The following AHCTF1 variants were observed in gnomAD, a reference collection of about 807,000 sequenced individuals.
The protein encoded by AHCTF1 is protein ELYS.
In AHCTF1, 24 loss-of-function variants were observed where a neutral mutation model predicts 248.4. The observed-to-expected ratio is 0.10, with a 90% CI of 0.07 to 0.14. The LOEUF (loss-of-function observed/expected upper bound fraction) is 0.14, where lower values mean the gene tolerates loss of function less well. Among genes scored for constraint, AHCTF1 ranks in the 10% least tolerant of loss-of-function variants. The probability of loss-of-function intolerance (pLI) is 1.00; values close to 1 mark genes in which losing one functional copy is unlikely to be tolerated. For missense variants in AHCTF1, 2,206 were observed against 2,636.2 expected (o/e 0.84, Z 3.57); for synonymous variants, 786 against 929.8 (o/e 0.85, Z 2.81).
chr1:246,881,697 G>C (rs1002485091), intron 21 of AHCTF1, among the ~76,000 whole-genome samples: 2 of 151,794 alleles, frequency 1.3e-5, no homozygotes, highest in African/African-American at 4.8e-5. Flanking sequence ...AATTAGGTGG[G>C]CATGATGGCG....
At chr1:246,861,354 C>G (rs534952095) in intron 28 of AHCTF1, 59 bp from the exon 29 acceptor site, 28 of 1,406,576 alleles carry the variant, frequency 2.0e-5, no homozygotes, top group Admixed American at 1.9e-4. Context: ...AAGTCTAGTC[C>G]TAAGCTACCC....
intron 35 of AHCTF1, among the ~76,000 whole-genome samples, chr1:246,842,470 T>G (rs1659943900): frequency 6.6e-6 from 1 of 151,882 alleles, no homozygotes; most frequent in Non-Finnish European, 1.5e-5. Flanking sequence ...TAGTCCCAGC[T>G]ACTTGGGAGG....
rs776939278 is a variant in AHCTF1, at chr1:246,900,130, T to C, written c.1367A>G (p.Asn456Ser). The change falls in exon 10 of 36, where the codon AAT becomes AGT. Residue 456 changes from asparagine to serine, a missense_variant. Physicochemically the swap from Asn to Ser is conservative, Grantham distance 46. Transcript: ENST00000648844. ...LDILVHERSL[N>S]RGVPPSYPPP... ...TGGATATGAAGGAGGGACTCCTCTA[T>C]TTAAACTTCTCTCATGTACTAATAT... 18 of 1,609,510 alleles carry C rather than the reference T, an allele frequency of 1.1e-5. No homozygotes were observed. The highest frequency in any genetic ancestry group is 1.5e-5 in the Non-Finnish European group (18 of 1,179,240).
rs1363449913 is a variant in AHCTF1 at position 246,840,074 on chromosome 1, T to C, written c.*732A>G. ...CACTCAATATCCATAAACAGATTTA[T>C]TTTACATTTCCCTTTGTCAAACCCT... On this transcript the variant is annotated 3_prime_UTR_variant, in exon 36 of 36. Coordinates refer to ENST00000648844, the MANE Select transcript of AHCTF1 (RefSeq NM_001323342.2). The C allele has an allele frequency of 6.6e-6, 1 of 152,642 alleles. No individual in the cohort carries two copies. Among genetic ancestry groups the C allele is most frequent in the Non-Finnish European group, 1.5e-5 (1 of 68,046 alleles). The allele number at this position is 152,642 out of a possible 1,614,324, so 9.5% of individuals were successfully genotyped here. A position where few individuals can be genotyped will look rare whatever the true frequency, so the allele number is the denominator to read the frequency against.
Position 246,867,499 on chromosome 1 carries a change from G to A in AHCTF1, c.3240-148C>T, listed in dbSNP as rs146496899. On this transcript the variant is annotated intron_variant, in intron 25 of 35. Coordinates refer to ENST00000648844, the MANE Select transcript of AHCTF1 (RefSeq NM_001323342.2). Reference sequence around the variant, plus strand: ...AATAATGAACATTTCACTTTTAAAGGTTTTTAAAAATTCTTCTCAGAAACA... The same window carrying A: ...AATAATGAACATTTCACTTTTAAAGATTTTTAAAAATTCTTCTCAGAAACA... 2.0e-4 allele frequency: 219 copies of A among 1,103,834 alleles called. 1 individual carries two copies. The Middle Eastern group carries it at 2.8e-3, about 14-fold the overall frequency. The allele number at this position is 1,103,834 out of a possible 1,614,324, so 68.4% of individuals were successfully genotyped here.
At chr1:246,843,661 C>A in intron 34 of AHCTF1, 134 bp downstream of exon 34, 8 of 823,430 alleles carry the variant, frequency 9.7e-6, no homozygotes, top group Non-Finnish European at 1.3e-5. Flanking sequence ...TGACTGTTAT[C>A]TTTAAGACAT....
rs1252315887 is a variant in AHCTF1 at position 246,890,006 on chromosome 1, A to G, written c.2104T>C (p.Tyr702His). The G allele has an allele frequency of 6.2e-7, 1 of 1,612,772 alleles. No individual in the cohort carries two copies. Among genetic ancestry groups the G allele is most frequent in the African/African-American group, 1.3e-5 (1 of 74,896 alleles). Residue 702 changes from tyrosine to histidine, a missense_variant, in exon 17 of 36, where the codon TAC becomes CAC. Around this residue, in one of 6 missense-constraint regions of AHCTF1, gnomAD observed 650 missense variants for 870.8 expected, o/e 0.75. Transcript: ENST00000648844. Reference sequence around the variant, plus strand: ...AACTTCTGTCGACGACTGGTGTAGTAGTTCTGAATTACAGGGTAGTTGTAG... The same window carrying G: ...AACTTCTGTCGACGACTGGTGTAGTGGTTCTGAATTACAGGGTAGTTGTAG... ...LCYNYPVIQN[Y>H]YTSRRQKFER...
intron 1 of AHCTF1, among the ~76,000 whole-genome samples, chr1:246,925,900 T>C (rs1180301738): frequency 1.3e-5 from 2 of 152,002 alleles, no homozygotes; most frequent in Non-Finnish European, 1.5e-5. Flanking sequence ...CGAAATCTCA[T>C]CTCTACGAAA....
In AHCTF1 at chr1:246,850,058, G is replaced by A; in HGVS notation, c.5948C>T (p.Ser1983Phe). Residue 1983 changes from serine (S) to phenylalanine (F), a missense_variant, in exon 33 of 36, where the codon TCT (serine) becomes TTT (phenylalanine). Physicochemically the swap from Ser to Phe is radical, Grantham distance 155. Transcript: ENST00000648844. ...AACAGCCTTAGATCCTACATCTTCAGATGGATTGATTTTTCTTGGTCTACC... is the reference window on the plus strand; with the variant it reads ...AACAGCCTTAGATCCTACATCTTCAAATGGATTGATTTTTCTTGGTCTACC... ...KRGRPRKINPSEDVGSKAVKE... is the reference protein window; with the variant it reads ...KRGRPRKINPFEDVGSKAVKE... The A allele has an allele frequency of 6.2e-7, 1 of 1,613,878 alleles. No individual in the cohort carries two copies. The highest frequency in any genetic ancestry group is 8.5e-7 in the Non-Finnish European group (1 of 1,179,838).
intron 17 of AHCTF1, 27 bp from the exon 18 acceptor site, chr1:246,888,544 A>C (rs1340035493): frequency 6.2e-7 from 1 of 1,611,006 alleles, no homozygotes; most frequent in Admixed American, 1.7e-5. Flanking sequence ...ATTAAGACTT[A>C]TTTAATATCA....
At chr1:246,922,708 C>T (rs1005520251) in intron 1 of AHCTF1, among the ~76,000 whole-genome samples, 8 of 150,330 alleles carry the variant, frequency 5.3e-5, no homozygotes, top group South Asian at 2.2e-4. Context: ...ATAGGCTGGG[C>T]GCAGTGGCTC....
In AHCTF1 at chr1:246,857,811, T is replaced by G; in HGVS notation, c.4136A>C (p.Asn1379Thr). Reference sequence around the variant, plus strand: ...ATCCTTTGTTTCTGCATCTTCTAAATTGCCTATAAGTCATACAAATAAGAA... The same window carrying G: ...ATCCTTTGTTTCTGCATCTTCTAAAGTGCCTATAAGTCATACAAATAAGAA... ...TPSDLQKQMG[N>T]LEDAETKDLL... Residue 1379 changes from asparagine (N) to threonine (T), a missense_variant, in exon 30 of 36, where the codon AAT becomes ACT. Asn to Thr is a moderately conservative substitution (Grantham distance 65). This residue lies in a region of AHCTF1 where 955 missense variants were observed against 1,055.6 expected (regional missense o/e 0.90). Coordinates refer to ENST00000648844, the MANE Select transcript of AHCTF1 (RefSeq NM_001323342.2). 6.2e-7 allele frequency: 1 copy of G among 1,609,666 alleles called. No individual in the cohort carries two copies. Among genetic ancestry groups the G allele is most frequent in the Non-Finnish European group, 8.5e-7 (1 of 1,176,564 alleles).
chr1:246,861,209 A>G lies in AHCTF1; in HGVS notation c.3822T>C (p.Asp1274=), dbSNP rs1661522309. The change falls in exon 29 of 36, where the codon GAT becomes GAC. Residue 1274 remains aspartate (D), a synonymous_variant. Coordinates refer to ENST00000648844, the MANE Select transcript of AHCTF1 (RefSeq NM_001323342.2). ...PVETEWLKSK[D]RTTSFFLNSP... The stretch of plus-strand genomic sequence containing the variant: ...TGTTCAGGAAAAAAGATGTGGTCCT[A>G]TCTTTGCTCTTCAGCCATTCAGTTT... 6.2e-7 allele frequency: 1 copy of G among 1,613,648 alleles called. No homozygotes were observed. The highest frequency in any genetic ancestry group is 2.2e-5 in the East Asian group (1 of 44,876).
At position 246,855,707 on chromosome 1, in the gene AHCTF1, G is replaced by A. The variant is rs1661062911; in HGVS notation, c.4354+23C>T. ...CAAAACACAAAAATGGAATAATCCT[G>A]AAGTCAAAATTATTATACATACATT... is the stretch of plus-strand genomic sequence containing the variant. On this transcript the variant is annotated intron_variant, in intron 31 of 35. Coordinates refer to ENST00000648844, the MANE Select transcript of AHCTF1 (RefSeq NM_001323342.2). 1.9e-6 allele frequency: 3 copies of A among 1,560,498 alleles called. No individual in the cohort carries two copies. In the East Asian group the frequency reaches 6.8e-5, roughly 35 times the overall value.
At chr1:246,905,779 T>G in intron 5 of AHCTF1, 122 bp from the exon 6 acceptor site, 1 of 705,692 alleles carries the variant, frequency 1.4e-6, no homozygotes, top group Non-Finnish European at 2.4e-6. Flanking sequence ...AAGTGATCTG[T>G]GGGCCATGGC....
rs971189139 is a variant in AHCTF1 at position 246,887,132 on chromosome 1, A to C, written c.2472+79T>G. 3 of 1,477,002 alleles carry C rather than the reference A, an allele frequency of 2.0e-6. No homozygotes were observed. The African/African-American group carries it at 4.2e-5, about 21-fold the overall frequency. The allele number at this position is 1,477,002 out of a possible 1,614,324, so 91.5% of individuals were successfully genotyped here. On this transcript the variant is annotated intron_variant, in intron 20 of 35. Coordinates refer to ENST00000648844, the MANE Select transcript of AHCTF1 (RefSeq NM_001323342.2). ...TTTAGTAGACTGTATCATATCTTTT[A>C]ATACCAAATTTAAATTATGTGTATT...
chr1:246,871,401 C>G (rs1475548247), intron 24 of AHCTF1, among the ~76,000 whole-genome samples: 1 of 152,158 alleles, frequency 6.6e-6, no homozygotes, highest in African/African-American at 2.4e-5. Flanking sequence ...TTTCCACCTC[C>G]CAGGAACTGC....
intron 1 of AHCTF1, among the ~76,000 whole-genome samples, chr1:246,929,637 T>C (rs1258471147): frequency 1.3e-5 from 2 of 152,216 alleles, no homozygotes; most frequent in Non-Finnish European, 2.9e-5. Context: ...CAGTAGCATA[T>C]ACTTATTGTA....
chr1:246,855,090 C>T (rs779324317), intron 31 of AHCTF1, among the ~76,000 whole-genome samples: 23 of 152,212 alleles, frequency 1.5e-4, no homozygotes, highest in Non-Finnish European at 3.2e-4. Context: ...AAAGGCATAA[C>T]AGTTGAGAGC....
Sources: gnomAD v4.1 joint callset for allele counts (sites outside exome capture counted in the v4.1 genomes callset) on GRCh38, gnomAD v4.1.1 for gene constraint, gnomAD v4.1.1 regional missense constraint, MANE v1.5 for transcripts, NCBI Gene and HGNC (gene_info 2026-07-23, HGNC 2026-07-21) for gene names.